NXPH1: variants seen among roughly 807,000 people sequenced by gnomAD.
The protein encoded by NXPH1 is neurexophilin 1, also known as neurexophilin-1.
A neutral mutation model predicts 23.7 loss-of-function variants in NXPH1; 5 were observed. That is an observed-to-expected ratio of 0.21 (90% CI 0.11 to 0.44). The LOEUF is 0.44. Ranked by LOEUF, NXPH1 falls within the 20% of genes least tolerant of loss-of-function variation. The pLI, the probability that NXPH1 is intolerant of heterozygous loss-of-function variation, is 0.99. For synonymous variants in NXPH1, 144 were observed against 122.2 expected (o/e 1.18, Z -1.18); for missense variants, 324 against 321.6 (o/e 1.01, Z -0.06).
chr7:8,501,583 C>T (rs920949407), intron 2 of NXPH1, among the ~76,000 whole-genome samples: 1 of 152,006 alleles, frequency 6.6e-6, no homozygotes, highest in Non-Finnish European at 1.5e-5. Context: ...CAAATATTAA[C>T]ATTAAAGCAT....
At chr7:8,570,793 A>G (rs115921671) in intron 2 of NXPH1, among the ~76,000 whole-genome samples, 173 of 151,910 alleles carry the variant, frequency 1.1e-3, no homozygotes, top group African/African-American at 4.1e-3. Flanking sequence ...TTGGAATGGA[A>G]AGGAACAGGG....
At chr7:8,559,379 T>A (rs1369425506) in intron 2 of NXPH1, among the ~76,000 whole-genome samples, 1 of 151,768 alleles carries the variant, frequency 6.6e-6, no homozygotes, top group Admixed American at 6.6e-5. Flanking sequence ...ATTTACAATT[T>A]CCCTTAAATT....
chr7:8,463,277 T>C (rs1267571539), intron 2 of NXPH1, among the ~76,000 whole-genome samples: 2 of 152,106 alleles, frequency 1.3e-5, no homozygotes, highest in Non-Finnish European at 2.9e-5. Context: ...TATTACCAAA[T>C]GGTATCTATA....
intron 2 of NXPH1, among the ~76,000 whole-genome samples, chr7:8,637,792 A>T (rs1431531043): frequency 6.6e-6 from 1 of 152,192 alleles, no homozygotes; most frequent in African/African-American, 2.4e-5. Context: ...TTTCTTACAT[A>T]AGTGGTTTAA....
chr7:8,723,453 T>C (rs1780001274), intron 2 of NXPH1, among the ~76,000 whole-genome samples: 1 of 152,220 alleles, frequency 6.6e-6, no homozygotes, highest in African/African-American at 2.4e-5. Context: ...CCCCAAAATA[T>C]AGTTTTATGC....
intron 2 of NXPH1, among the ~76,000 whole-genome samples, chr7:8,625,696 C>T (rs1400985226): frequency 6.6e-6 from 1 of 152,064 alleles, no homozygotes; most frequent in Non-Finnish European, 1.5e-5. Context: ...TGGCTCATCA[C>T]CAGTTTTCTT....
intron 2 of NXPH1, among the ~76,000 whole-genome samples, chr7:8,643,329 T>C (rs932640195): frequency 6.6e-6 from 1 of 152,198 alleles, no homozygotes; most frequent in African/African-American, 2.4e-5. Flanking sequence ...TTGCATTCTT[T>C]GGAAAATTGA....
chr7:8,478,821 C>T (rs1276567613), intron 2 of NXPH1, among the ~76,000 whole-genome samples: 5 of 151,808 alleles, frequency 3.3e-5, no homozygotes, highest in South Asian at 4.1e-4. Flanking sequence ...TTCTTTATAA[C>T]AGAACAAAAT....
At chr7:8,737,992 TATGTTCTTCTC>T (rs1355436586) in intron 2 of NXPH1, among the ~76,000 whole-genome samples, 4 of 152,384 alleles carry the variant, frequency 2.6e-5, no homozygotes, top group Non-Finnish European at 4.4e-5. Context: ...TCAGGTCATT[TATGTTCTTCTC>T]TAAATTGGTT....
chr7:8,440,963 G>T (rs764889765), intron 2 of NXPH1, among the ~76,000 whole-genome samples: 1 of 152,200 alleles, frequency 6.6e-6, no homozygotes, highest in African/African-American at 2.4e-5. Context: ...TTGCGCTCCT[G>T]TAAAGCAAGT....
intron 2 of NXPH1, among the ~76,000 whole-genome samples, chr7:8,656,760 T>C (rs1483661978): frequency 6.6e-6 from 1 of 151,796 alleles, no homozygotes; most frequent in Non-Finnish European, 1.5e-5. Flanking sequence ...GATCTCATTG[T>C]TCAATTCCCA....
chr7:8,573,442 C>T (rs1264686998), intron 2 of NXPH1, among the ~76,000 whole-genome samples: 1 of 152,058 alleles, frequency 6.6e-6, no homozygotes, highest in Non-Finnish European at 1.5e-5. Context: ...CCAATTTAGA[C>T]TTGAAGAGTC....
At chr7:8,439,782 G>A (rs1357220012) in intron 2 of NXPH1, among the ~76,000 whole-genome samples, 7 of 152,212 alleles carry the variant, frequency 4.6e-5, no homozygotes, top group Admixed American at 4.6e-4. Context: ...AGATCATTTG[G>A]GTGAAATCCA....
intron 2 of NXPH1, among the ~76,000 whole-genome samples, chr7:8,734,125 T>C (rs1006698295): frequency 6.6e-6 from 1 of 152,226 alleles, no homozygotes. Context: ...ATTTATTAAA[T>C]AGAAAATCCT....
chr7:8,594,539 T>C (rs1454079566), intron 2 of NXPH1, among the ~76,000 whole-genome samples: 3 of 152,044 alleles, frequency 2.0e-5, no homozygotes, highest in Non-Finnish European at 4.4e-5. Flanking sequence ...AAAAATATGT[T>C]TCTCTTTGCT....
chr7:8,657,234 T>A (rs1403756194), intron 2 of NXPH1, among the ~76,000 whole-genome samples: 1 of 152,148 alleles, frequency 6.6e-6, no homozygotes, highest in Non-Finnish European at 1.5e-5. Context: ...GCACCATAAA[T>A]GCCATAAGGT....
intron 2 of NXPH1, among the ~76,000 whole-genome samples, chr7:8,572,828 T>G (rs948198980): frequency 2.0e-5 from 3 of 152,018 alleles, no homozygotes; most frequent in African/African-American, 7.2e-5. Context: ...AGAAATATTA[T>G]GAGGCCACAG....
At chr7:8,621,712 CTGACCTCAGG>C (rs1460324506) in intron 2 of NXPH1, among the ~76,000 whole-genome samples, 2 of 152,138 alleles carry the variant, frequency 1.3e-5, no homozygotes, top group Admixed American at 1.3e-4. Context: ...TCTCAAACTC[CTGACCTCAGG>C]TGATCCACCT....
chr7:8,527,271 C>G (rs974673356), intron 2 of NXPH1, among the ~76,000 whole-genome samples: 4 of 152,198 alleles, frequency 2.6e-5, no homozygotes, highest in African/African-American at 9.6e-5. Context: ...TCCCATGCAG[C>G]CTCAGCTTTT....
Sources: gnomAD v4.1 joint callset for allele counts (sites outside exome capture counted in the v4.1 genomes callset) on GRCh38, gnomAD v4.1.1 for gene constraint, MANE v1.5 for transcripts, NCBI Gene and HGNC (gene_info 2026-07-23, HGNC 2026-07-21) for gene names.